The following SORCS3 variants were observed in gnomAD, a reference collection of about 807,000 sequenced individuals.
SORCS3 encodes the protein VPS10 domain-containing receptor SorCS3.
SORCS3 carries 57 observed loss-of-function variants against 146.3 expected under a neutral mutation model. The observed-to-expected ratio is 0.39, with a 90% CI of 0.31 to 0.49. The LOEUF (loss-of-function observed/expected upper bound fraction) is 0.49, where lower values mean the gene tolerates loss of function less well. Ranked by LOEUF, SORCS3 falls within the 20% of genes least tolerant of loss-of-function variation. The probability of loss-of-function intolerance (pLI) is 0.92; values close to 1 mark genes in which losing one functional copy is unlikely to be tolerated. For missense variants in SORCS3, 1,341 were observed against 1,575.5 expected (o/e 0.85, Z 2.52); for synonymous variants, 653 against 618.5 (o/e 1.06, Z -0.83).
chr10:104,700,157 G>T (rs974528786), intron 1 of SORCS3, among the ~76,000 whole-genome samples: 3 of 152,194 alleles, frequency 2.0e-5, no homozygotes, highest in African/African-American at 7.2e-5. Flanking sequence ...TGATCACTTT[G>T]TGTAGGAAAA....
chr10:104,850,261 G>A (rs1017785611), intron 2 of SORCS3, among the ~76,000 whole-genome samples: 5 of 152,174 alleles, frequency 3.3e-5, no homozygotes, highest in Non-Finnish European at 7.3e-5. Context: ...AATTTAGTAA[G>A]GCTGGTCATT....
chr10:105,018,372 C>T (rs2055180261), intron 4 of SORCS3, among the ~76,000 whole-genome samples: 1 of 152,174 alleles, frequency 6.6e-6, no homozygotes, highest in African/African-American at 2.4e-5. Flanking sequence ...AAACTAATGG[C>T]CAAGGCCACT....
At chr10:104,772,641 G>A (rs2017265284) in intron 1 of SORCS3, among the ~76,000 whole-genome samples, 1 of 152,104 alleles carries the variant, frequency 6.6e-6, no homozygotes, top group African/African-American at 2.4e-5. Flanking sequence ...CTTTGATCCA[G>A]CCTCTTCTAG....
chr10:104,767,200 A>T (rs2017191014), intron 1 of SORCS3, among the ~76,000 whole-genome samples: 1 of 152,198 alleles, frequency 6.6e-6, no homozygotes, highest in African/African-American at 2.4e-5. Context: ...TGATTCTGTG[A>T]CTTGTGCTGA....
At chr10:104,823,619 G>C (rs1281296706) in intron 1 of SORCS3, among the ~76,000 whole-genome samples, 1 of 152,052 alleles carries the variant, frequency 6.6e-6, no homozygotes, top group East Asian at 1.9e-4. Flanking sequence ...CCAAAGTGCA[G>C]GTCCTAAAAG....
At chr10:105,138,142 A>T (rs1246160501) in intron 7 of SORCS3, among the ~76,000 whole-genome samples, 3 of 152,214 alleles carry the variant, frequency 2.0e-5, no homozygotes, top group African/African-American at 4.8e-5. Context: ...CTCCCTGAAG[A>T]TCAGGGTGAA....
intron 3 of SORCS3, among the ~76,000 whole-genome samples, chr10:104,975,106 GA>G (rs1392275431): frequency 6.6e-6 from 1 of 152,138 alleles, no homozygotes; most frequent in African/African-American, 2.4e-5. Context: ...ATTAGGAAAA[GA>G]GGAAGTCAAA....
intron 3 of SORCS3, among the ~76,000 whole-genome samples, chr10:104,941,806 C>T (rs1217317907): frequency 6.9e-6 from 1 of 144,146 alleles, no homozygotes; most frequent in African/African-American, 2.7e-5. Flanking sequence ...GCTCTGGCTC[C>T]AAAGCAAAGT....
In SORCS3 at chr10:104,794,755, C is replaced by A. The variant is rs1002731991; in HGVS notation, c.628-48037C>A. Among the ~76,000 whole-genome samples, 7 of 152,152 alleles carry A rather than the reference C, an allele frequency of 4.6e-5. No individual in the cohort carries two copies. In the South Asian group the frequency reaches 1.5e-3, roughly 32 times the overall value. On this transcript the variant is annotated intron_variant, in intron 1 of 26. Coordinates refer to ENST00000369701, the MANE Select transcript of SORCS3 (RefSeq NM_014978.3). Reference sequence around the variant, plus strand: ...CTTCTCACAGGTTTTGCTGCCACAGCAAAGAGACTTCTTTGGTAGCAAGAT... The same window carrying A: ...CTTCTCACAGGTTTTGCTGCCACAGAAAAGAGACTTCTTTGGTAGCAAGAT...
intron 1 of SORCS3, among the ~76,000 whole-genome samples, chr10:104,714,193 A>C (rs2016451150): frequency 6.6e-6 from 1 of 151,968 alleles, no homozygotes; most frequent in South Asian, 2.1e-4. Context: ...GATCTTTTCA[A>C]AGAACCAGCA....
chr10:105,199,884 A>G, intron 14 of SORCS3, 115 bp from the exon 15 acceptor site: 1 of 741,378 alleles, frequency 1.3e-6, no homozygotes, highest in Non-Finnish European at 2.3e-6. Flanking sequence ...CTTTGGAAGA[A>G]TAACTAAAGT....
chr10:105,020,411 A>G (rs1384091977), intron 4 of SORCS3, among the ~76,000 whole-genome samples: 1 of 152,190 alleles, frequency 6.6e-6, no homozygotes, highest in East Asian at 1.9e-4. Context: ...CACAGTTTGC[A>G]TCATACAAGT....
At chr10:104,946,079 G>A (rs7093121) in intron 3 of SORCS3, among the ~76,000 whole-genome samples, 7,565 of 151,992 alleles carry the variant, frequency 0.05, 225 homozygotes, top group East Asian at 0.14. Context: ...TTCTGACTCT[G>A]GTAGGGTACT....
At chr10:104,717,141 C>T (rs1239337445) in intron 1 of SORCS3, among the ~76,000 whole-genome samples, 1 of 151,936 alleles carries the variant, frequency 6.6e-6, no homozygotes, top group Non-Finnish European at 1.5e-5. Flanking sequence ...ACAAATTAGT[C>T]AGGCATGGTG....
chr10:105,225,994 C>T (rs1347079845), intron 20 of SORCS3, among the ~76,000 whole-genome samples: 1 of 151,818 alleles, frequency 6.6e-6, no homozygotes, highest in Admixed American at 6.6e-5. Context: ...AAATATACAT[C>T]AGCAACAGGG....
intron 5 of SORCS3, among the ~76,000 whole-genome samples, chr10:105,086,020 A>G (rs1344403523): frequency 1.3e-5 from 2 of 151,114 alleles, no homozygotes; most frequent in Admixed American, 6.6e-5. Context: ...GTATATGTAC[A>G]TCGTTTTTAT....
intron 14 of SORCS3, among the ~76,000 whole-genome samples, chr10:105,197,481 A>G (rs1276707104): frequency 3.3e-5 from 5 of 152,188 alleles, no homozygotes; most frequent in Non-Finnish European, 2.9e-5. Flanking sequence ...CTTGAATGGT[A>G]ACAGTCAAAA....
chr10:104,955,671 G>A (rs566376923), intron 3 of SORCS3, among the ~76,000 whole-genome samples: 6 of 152,272 alleles, frequency 3.9e-5, no homozygotes, highest in Admixed American at 3.9e-4. Context: ...CAGTGAGAGT[G>A]GAGATGAGTA....
chr10:104,652,644 C>A (rs2015577340), intron 1 of SORCS3, among the ~76,000 whole-genome samples: 1 of 152,126 alleles, frequency 6.6e-6, no homozygotes, highest in African/African-American at 2.4e-5. Context: ...GTAAAAACCC[C>A]AAGATTCTTA....
Sources: allele counts gnomAD v4.1 joint callset (sites outside exome capture counted in the v4.1 genomes callset), GRCh38; gene constraint gnomAD v4.1.1; transcripts MANE v1.5; gene names NCBI Gene and HGNC (gene_info 2026-07-23, HGNC 2026-07-21).